KRAS: variants seen among roughly 807,000 people sequenced by gnomAD.
KRAS encodes the protein KRas proto-oncogene, GTPase.
KRAS carries 1 observed loss-of-function variant against 21.0 expected under a neutral mutation model. The ratio of observed to expected loss-of-function variants is 0.05; its 90% CI spans 0.02 to 0.23. The LOEUF (loss-of-function observed/expected upper bound fraction) is 0.23. Ranked by LOEUF, KRAS falls within the 10% of genes least tolerant of loss-of-function variation. The pLI is 1.00. For missense variants in KRAS, 107 were observed against 221.8 expected (o/e 0.48, Z 3.29); for synonymous variants, 67 against 72.5 (o/e 0.92, Z 0.39).
At chr12:25,209,961 G>A (rs1565878972) in intron 4 of KRAS, 50 bp from the exon 5 acceptor site, 1 of 1,395,594 alleles carries the variant, frequency 7.2e-7, no homozygotes, top group Non-Finnish European at 9.9e-7. Context: ...ATGGCTTCAT[G>A]TGTACAGGTA....
At chr12:25,235,231 A>G (rs750000512) in intron 2 of KRAS, 13 of 566,094 alleles carry the variant, frequency 2.3e-5, no homozygotes, top group East Asian at 1.7e-4. Context: ...TAACACCTGT[A>G]GGAAAAGATG....
chr12:25,212,337 A>T (rs890211019), intron 4 of KRAS, among the ~76,000 whole-genome samples: 1 of 152,228 alleles, frequency 6.6e-6, no homozygotes, highest in South Asian at 2.1e-4. Context: ...TATGGTGAAA[A>T]CACAGAATTT....
At chr12:25,250,109 T>C (rs1951745301) in intron 1 of KRAS, among the ~76,000 whole-genome samples, 2 of 151,898 alleles carry the variant, frequency 1.3e-5, no homozygotes, top group African/African-American at 4.8e-5. Flanking sequence ...ATGCATTTTT[T>C]TCCAAACACA....
Position 25,208,275 on chromosome 12 carries a change from A to G in KRAS, c.*1520T>C, listed in dbSNP as rs1409236765. On this transcript the variant is annotated 3_prime_UTR_variant, in exon 5 of 5. Coordinates refer to ENST00000311936, the MANE Select transcript of KRAS (RefSeq NM_004985.5). ...CTAAAAGACACCTATCTAGAACCTA[A>G]GTCACCTTCTTCCTAGTCCAGTGAT... 5 of 233,264 alleles carry G rather than the reference A, an allele frequency of 2.1e-5. No homozygotes were observed. In the East Asian group the frequency reaches 2.4e-4, roughly 11 times the overall value. 14.4% of individuals were successfully genotyped at this position (233,264 alleles called of 1,614,324 possible). A position where few individuals can be genotyped will look rare whatever the true frequency, so the allele number is the denominator to read the frequency against.
chr12:25,209,032 G>T lies in KRAS; in HGVS notation c.*763C>A, dbSNP rs548052905. ...AAAAATTTAGTAGCATGTAAATATA[G>T]CCCCAAAATGGTTGCTATAATAATC... is the stretch of plus-strand genomic sequence containing the variant. On this transcript the variant is annotated 3_prime_UTR_variant, in exon 5 of 5. Transcript: ENST00000311936. 2.8e-5 allele frequency: 11 copies of T among 388,762 alleles called. No homozygotes were observed. The East Asian group carries it at 4.0e-4, about 14-fold the overall frequency. 24.1% of individuals were successfully genotyped at this position (388,762 alleles called of 1,614,324 possible). A position where few individuals can be genotyped will look rare whatever the true frequency, so the allele number is the denominator to read the frequency against.
chr12:25,239,666 A>G (rs1323410869), intron 2 of KRAS, among the ~76,000 whole-genome samples: 1 of 152,228 alleles, frequency 6.6e-6, no homozygotes, highest in Admixed American at 6.5e-5. Flanking sequence ...TTTCTTAGTA[A>G]CATGCATTTC....
At chr12:25,227,998 A>C (rs957428404) in intron 2 of KRAS, among the ~76,000 whole-genome samples, 2 of 152,202 alleles carry the variant, frequency 1.3e-5, no homozygotes, top group African/African-American at 4.8e-5. Flanking sequence ...ATATACATAC[A>C]GTGGAACATT....
chr12:25,246,683 G>T (rs537226259), intron 1 of KRAS, among the ~76,000 whole-genome samples: 1 of 152,128 alleles, frequency 6.6e-6, no homozygotes, highest in Non-Finnish European at 1.5e-5. Context: ...TTGGGAGGCC[G>T]AGGAGGGTGG....
intron 2 of KRAS, among the ~76,000 whole-genome samples, chr12:25,241,225 G>A (rs1365836674): frequency 6.6e-6 from 1 of 152,072 alleles, no homozygotes; most frequent in Non-Finnish European, 1.5e-5. Context: ...TTAGCAGAGA[G>A]CAAAAATGAT....
At chr12:25,214,387 CT>C (rs143313927) in intron 4 of KRAS, among the ~76,000 whole-genome samples, 65,678 of 139,376 alleles carry the variant, frequency 0.47, 15,242 homozygotes, top group African/African-American at 0.6. Context: ...GCTAAAATGA[CT>C]TTTTTTTTTT....
intron 2 of KRAS, among the ~76,000 whole-genome samples, chr12:25,229,054 T>G (rs1024645545): frequency 1.3e-5 from 2 of 152,112 alleles, no homozygotes; most frequent in African/African-American, 4.8e-5. Context: ...CAAGGCTCCG[T>G]CTCAAAAAAA....
chr12:25,229,234 C>T (rs1334562071), intron 2 of KRAS, among the ~76,000 whole-genome samples: 1 of 152,114 alleles, frequency 6.6e-6, no homozygotes, highest in East Asian at 1.9e-4. Context: ...AATGGGATAG[C>T]TCTACCAACT....
rs188697761 is a variant in KRAS at position 25,209,084 on chromosome 12, C to G, written c.*711G>C. On this transcript the variant is annotated 3_prime_UTR_variant, in exon 5 of 5. Transcript: ENST00000311936. ...CCATTTCATACTGGGTCTGCCTTAA[C>G]AGGAAAAGCTATTAGGAGTCTTTAT... is the stretch of plus-strand genomic sequence containing the variant. 6.9e-6 allele frequency: 3 copies of G among 435,654 alleles called. No homozygotes were observed. The Admixed American group carries it at 1.2e-4, about 17-fold the overall frequency. The allele number at this position is 435,654 out of a possible 1,614,324, so 27.0% of individuals were successfully genotyped here.
Position 25,215,588 on chromosome 12 carries a change from A to C in KRAS, c.451-5677T>G, listed in dbSNP as rs1951246545. The C allele has an allele frequency of 2.5e-6, 4 of 1,581,146 alleles. No individual in the cohort carries two copies. The East Asian group carries it at 6.7e-5, about 27-fold the overall frequency. On this transcript the variant is annotated intron_variant, in intron 4 of 4. Coordinates refer to ENST00000311936, the MANE Select transcript of KRAS (RefSeq NM_004985.5). ...GCATTGTAAAACACAACTTCTTTAA[A>C]GTCTGTTGCATTGGTAAGAGTAATT...
At chr12:25,249,581 G>A (rs919496468) in intron 1 of KRAS, among the ~76,000 whole-genome samples, 11 of 3,958 alleles carry the variant, frequency 2.8e-3, no homozygotes, top group Non-Finnish European at 0.012. Context: ...AACAGAGCGA[G>A]ACTGTGTCTC....
intron 4 of KRAS, among the ~76,000 whole-genome samples, chr12:25,223,426 C>A (rs893684695): frequency 2.0e-5 from 3 of 152,066 alleles, no homozygotes; most frequent in African/African-American, 4.8e-5. Context: ...AAAAACCAAG[C>A]CTCTTCCTGG....
At chr12:25,247,396 C>G (rs1181204014) in intron 1 of KRAS, among the ~76,000 whole-genome samples, 1 of 152,186 alleles carries the variant, frequency 6.6e-6, no homozygotes, top group Non-Finnish European at 1.5e-5. Context: ...CGGCATAGTT[C>G]CCCGCCTTAC....
intron 2 of KRAS, among the ~76,000 whole-genome samples, chr12:25,242,214 T>C (rs1005138737): frequency 1.3e-5 from 2 of 152,188 alleles, no homozygotes; most frequent in African/African-American, 2.4e-5. Flanking sequence ...AGCATGCTGA[T>C]GTCAAACAAT....
chr12:25,241,324 C>T (rs564270665), intron 2 of KRAS, among the ~76,000 whole-genome samples: 24 of 152,250 alleles, frequency 1.6e-4, no homozygotes, highest in Non-Finnish European at 3.1e-4. Context: ...ACTACACAAA[C>T]TTAGGATTTC....
Sources: allele counts gnomAD v4.1 joint callset (sites outside exome capture counted in the v4.1 genomes callset), GRCh38; gene constraint gnomAD v4.1.1; transcripts MANE v1.5; gene names NCBI Gene and HGNC (gene_info 2026-07-23, HGNC 2026-07-21).